The following DDX19A variants were observed in gnomAD, a reference collection of about 807,000 sequenced individuals.
The protein encoded by DDX19A is DEAD-box helicase 19A, also known as ATP-dependent RNA helicase DDX19A.
In DDX19A, 12 loss-of-function variants were observed where a neutral mutation model predicts 60.6. That is an observed-to-expected ratio of 0.20 (90% CI 0.13 to 0.32). DDX19A has a LOEUF of 0.32. Ranked by LOEUF, DDX19A falls within the 10% of genes least tolerant of loss-of-function variation. The pLI, the probability that DDX19A is intolerant of heterozygous loss-of-function variation, is 1.00. For synonymous variants in DDX19A, 206 were observed against 218.2 expected (o/e 0.94, Z 0.49); for missense variants, 337 against 600.6 (o/e 0.56, Z 4.59).
At chr16:70,369,157 G>A (rs534132461) in intron 9 of DDX19A, among the ~76,000 whole-genome samples, 10 of 145,960 alleles carry the variant, frequency 6.9e-5, no homozygotes, top group South Asian at 2.2e-4. Flanking sequence ...GTGAACCACC[G>A]TGCCCGGCCA....
chr16:70,370,107 T>C, intron 9 of DDX19A, 116 bp from the exon 10 acceptor site: 1 of 1,391,994 alleles, frequency 7.2e-7, no homozygotes, highest in Non-Finnish European at 9.5e-7. Context: ...CAAGGCAGGA[T>C]AATGACTTGA....
rs1597538627 is a variant in DDX19A at position 70,366,179 on chromosome 16, G to A, written c.699G>A (p.Lys233=). 3 of 1,614,150 alleles carry A rather than the reference G, an allele frequency of 1.9e-6. No homozygotes were observed. Among genetic ancestry groups the A allele is most frequent in the Non-Finnish European group, 2.5e-6 (3 of 1,180,036 alleles). Residue 233 remains lysine, a synonymous_variant, in exon 8 of 12, where the codon AAG becomes AAA. Transcript: ENST00000302243. ...WCSKLKFIDP[K]KIKVFVLDEA... is the part of the protein sequence containing the mutation. ...CCAAGCTCAAGTTCATTGATCCCAA[G>A]AAAATCAAGGTGTTTGTTCTGGATG...
At chr16:70,355,904 G>A (rs1160633294) in intron 3 of DDX19A, 2 of 654,026 alleles carry the variant, frequency 3.1e-6, no homozygotes, top group Admixed American at 2.9e-5. Context: ...CTAGACTACA[G>A]TGAGCTCTGA....
At chr16:70,364,941 C>A in intron 6 of DDX19A, 76 bp from the exon 7 acceptor site, 1 of 1,094,604 alleles carries the variant, frequency 9.1e-7, no homozygotes, top group Non-Finnish European at 1.4e-6. Context: ...GTGCTAATAA[C>A]ATCAGCATAC....
intron 2 of DDX19A, among the ~76,000 whole-genome samples, chr16:70,353,129 C>CTTTTTTTTTTTTTTT (rs1308743627): frequency 6.2e-5 from 9 of 144,678 alleles, no homozygotes; most frequent in African/African-American, 2.3e-4. Context: ...TTCTTTCTTT[C>CTTTTTTTTTTTTTTT]TTTTTTTTTT....
At chr16:70,363,029 A>T (rs577077876) in intron 5 of DDX19A, among the ~76,000 whole-genome samples, 86 of 147,320 alleles carry the variant, frequency 5.8e-4, no homozygotes, top group Non-Finnish European at 1.2e-3. Context: ...AAAAAAAAAA[A>T]TTTGTAGAGA....
In DDX19A at chr16:70,370,342, G is replaced by A. The variant is rs1432252049; in HGVS notation, c.1140G>A (p.Glu380=). Residue 380 remains glutamate, a synonymous_variant, in exon 10 of 12, where the codon GAG becomes GAA. Transcript: ENST00000302243. Reference sequence around the variant, plus strand: ...CTGCGGTGATTGAGCGCTTCCGAGAGGGCAAAGAGAAGGTTTTGGTGACCA... The same window carrying A: ...CTGCGGTGATTGAGCGCTTCCGAGAAGGCAAAGAGAAGGTTTTGGTGACCA... The part of the protein sequence containing the change: ...QRAAVIERFR[E]GKEKVLVTTN... 10 of 1,614,058 alleles carry A rather than the reference G, an allele frequency of 6.2e-6. No individual in the cohort carries two copies. The highest frequency in any genetic ancestry group is 2.2e-5 in the East Asian group (1 of 44,882).
At chr16:70,357,464 A>C (rs1247787195) in intron 4 of DDX19A, among the ~76,000 whole-genome samples, 1 of 126,494 alleles carries the variant, frequency 7.9e-6, no homozygotes, top group East Asian at 2.5e-4. Flanking sequence ...AGCTCACCAC[A>C]ACCTCCACCT....
In DDX19A at chr16:70,373,164, TAGAGG is replaced by T. The variant is rs2047307954; in HGVS notation, c.*1179_*1183del. 1.3e-5 allele frequency: 2 copies of T among 152,008 alleles called. No individual in the cohort carries two copies. The highest frequency in any genetic ancestry group is 1.3e-4 in the Admixed American group (2 of 15,244). 9.4% of individuals were successfully genotyped at this position (152,008 alleles called of 1,614,324 possible). A position where few individuals can be genotyped will look rare whatever the true frequency, so the allele number is the denominator to read the frequency against. On this transcript the variant is annotated 3_prime_UTR_variant, in exon 12 of 12. Transcript: ENST00000302243. ...GGTAGGAGGATCGCTTGAGCCTGGG[TAGAGG>T]CTGCTGTGAGCTGAAATGGCGCCAC...
intron 2 of DDX19A, among the ~76,000 whole-genome samples, chr16:70,351,242 G>A (rs1964008119): frequency 6.6e-6 from 1 of 151,512 alleles, no homozygotes; most frequent in East Asian, 1.9e-4. Context: ...GTCTCACTCT[G>A]TCGTGCAGGC....
chr16:70,364,988 A>T, intron 6 of DDX19A, 29 bp from the exon 7 acceptor site: 1 of 1,590,938 alleles, frequency 6.3e-7, no homozygotes, highest in East Asian at 2.2e-5. Flanking sequence ...TGGCTCTCCT[A>T]AACTCATCCT....
At position 70,367,052 on chromosome 16, in the gene DDX19A, C is replaced by T. The variant is rs115815616; in HGVS notation, c.1020+191C>T. Among the ~76,000 whole-genome samples, 561 of 152,184 alleles carry T rather than the reference C, an allele frequency of 3.7e-3. 5 individuals are homozygous for T. Among genetic ancestry groups the T allele is most frequent in the African/African-American group, 0.013 (535 of 41,524 alleles). On this transcript the variant is annotated intron_variant, in intron 9 of 11. Transcript: ENST00000302243. ...GGATACATAGCCTAAAGATAGAGCC[C>T]CTGAACTTTATGTCTTATTTGTGGA...
At position 70,366,822 on chromosome 16, in the gene DDX19A, C is replaced by T. The variant is rs767897446; in HGVS notation, c.981C>T (p.Tyr327=). ...AGTTCCAGGCCTTGTGTAACCTCTA[C>T]GGGGCCATCACCATTGCTCAAGCCA... The part of the protein sequence containing the change: ...DEKFQALCNL[Y]GAITIAQAMI... Residue 327 remains tyrosine (Y), a synonymous_variant, in exon 9 of 12, where the codon TAC becomes TAT. Transcript: ENST00000302243. 6.2e-6 allele frequency: 10 copies of T among 1,613,942 alleles called. No homozygotes were observed. Among genetic ancestry groups the T allele is most frequent in the Middle Eastern group, 1.6e-4 (1 of 6,080 alleles).
rs1434068200 is a variant in DDX19A, at chr16:70,361,399, T to C, written c.294-19T>C. The C allele has an allele frequency of 6.3e-7, 1 of 1,585,118 alleles. No individual in the cohort carries two copies. The highest frequency in any genetic ancestry group is 8.7e-7 in the Non-Finnish European group (1 of 1,153,832). ...TTCTAACTTCTAGGCATCCATCCTC[T>C]GTCTTCCTGGCTTCCTAGGAAACCA... On this transcript the variant is annotated intron_variant, in intron 4 of 11. Coordinates refer to ENST00000302243, the MANE Select transcript of DDX19A (RefSeq NM_018332.5).
At chr16:70,369,683 A>G (rs1026481766) in intron 9 of DDX19A, among the ~76,000 whole-genome samples, 1 of 148,386 alleles carries the variant, frequency 6.7e-6, no homozygotes, top group Non-Finnish European at 1.5e-5. Context: ...CAATGGTGCA[A>G]TCTTGGCTCA....
chr16:70,370,212 T>C lies in DDX19A; in HGVS notation c.1021-11T>C, dbSNP rs1964640954. On this transcript the variant is annotated splice_polypyrimidine_tract_variant and intron_variant, in intron 9 of 11. Transcript: ENST00000302243. ...AATACTTTCATTTCTCAATTGTTTT[T>C]TTTCTTCCAGACTCGCAAAACAGCT... The C allele has an allele frequency of 3.1e-6, 5 of 1,604,040 alleles. No individual in the cohort carries two copies. Among genetic ancestry groups the C allele is most frequent in the African/African-American group, 1.4e-5 (1 of 73,914 alleles).
At chr16:70,360,398 A>G (rs766116348) in intron 4 of DDX19A, among the ~76,000 whole-genome samples, 51 of 140,954 alleles carry the variant, frequency 3.6e-4, no homozygotes, top group Admixed American at 2.1e-3. Context: ...ATGGCTCGCT[A>G]TAGTCTCTAA....
chr16:70,367,301 G>A (rs770426490), intron 9 of DDX19A, among the ~76,000 whole-genome samples: 30 of 151,958 alleles, frequency 2.0e-4, no homozygotes, highest in Non-Finnish European at 3.1e-4. Flanking sequence ...GGTGGCGGGC[G>A]CTTGTAATCC....
intron 7 of DDX19A, 86 bp from the exon 8 acceptor site, chr16:70,365,999 T>C: frequency 6.3e-7 from 1 of 1,594,590 alleles, no homozygotes; most frequent in Non-Finnish European, 8.6e-7. Flanking sequence ...CTTGTTCTCC[T>C]AGTCCTAGAA....
Sources: allele counts gnomAD v4.1 joint callset (sites outside exome capture counted in the v4.1 genomes callset), GRCh38; gene constraint gnomAD v4.1.1; transcripts MANE v1.5; gene names NCBI Gene and HGNC (gene_info 2026-07-23, HGNC 2026-07-21).